SNX10: variants seen among roughly 807,000 people sequenced by gnomAD.
The protein encoded by SNX10 is sorting nexin 10, also known as sorting nexin-10.
In SNX10, 25 loss-of-function variants were observed where a neutral mutation model predicts 28.5. The observed-to-expected ratio is 0.88, with a 90% CI of 0.64 to 1.22. The LOEUF (loss-of-function observed/expected upper bound fraction) is 1.22, where lower values mean the gene tolerates loss of function less well. SNX10 is among the 50% of genes most tolerant of loss of function. SNX10 has a pLI of 0.00. For missense variants in SNX10, 223 were observed against 242.6 expected, an observed-to-expected ratio of 0.92 and a Z score of 0.54; for synonymous variants, 62 against 81.4, an observed-to-expected ratio of 0.76 and a Z score of 1.28.
intron 1 of SNX10, among the ~76,000 whole-genome samples, chr7:26,304,556 G>A (rs748945902): frequency 3.9e-5 from 6 of 152,144 alleles, no homozygotes; most frequent in Non-Finnish European, 5.9e-5. Flanking sequence ...AGGGTCAGGG[G>A]GGATTACACC....
intron 1 of SNX10, among the ~76,000 whole-genome samples, chr7:26,308,263 T>C (rs1030759724): frequency 2.0e-5 from 3 of 152,156 alleles, no homozygotes; most frequent in Non-Finnish European, 4.4e-5. Context: ...TCCCCTGTGT[T>C]TCCATAAAGA....
At chr7:26,333,539 T>G (rs1787819180) in intron 1 of SNX10, among the ~76,000 whole-genome samples, 1 of 151,774 alleles carries the variant, frequency 6.6e-6, no homozygotes, top group South Asian at 2.1e-4. Flanking sequence ...TTAGCTAGGA[T>G]GGTCTTGATC....
intron 2 of SNX10, among the ~76,000 whole-genome samples, chr7:26,354,427 C>T (rs1562814522): frequency 6.6e-6 from 1 of 152,144 alleles, no homozygotes; most frequent in Non-Finnish European, 1.5e-5. Flanking sequence ...CTCACTGCAA[C>T]CTCCCACCCA....
intron 1 of SNX10, among the ~76,000 whole-genome samples, chr7:26,320,012 C>G (rs986556607): frequency 3.3e-5 from 5 of 151,970 alleles, no homozygotes; most frequent in Non-Finnish European, 7.4e-5. Flanking sequence ...GACAGAGTCT[C>G]ACTCTGTTGC....
intron 2 of SNX10, among the ~76,000 whole-genome samples, chr7:26,349,214 A>G (rs142737725): frequency 2.0e-5 from 3 of 152,358 alleles, no homozygotes; most frequent in East Asian, 3.9e-4. Flanking sequence ...CACAGCAAAC[A>G]TTACTAATTA....
At chr7:26,330,681 T>C (rs955661394) in intron 1 of SNX10, among the ~76,000 whole-genome samples, 14 of 151,850 alleles carry the variant, frequency 9.2e-5, no homozygotes, top group Admixed American at 2.0e-4. Context: ...TGGGCAGACA[T>C]TGTGGCTCAT....
chr7:26,347,546 A>G lies in SNX10; in HGVS notation c.24+1080A>G, dbSNP rs551963303. 2.6e-5 allele frequency among the ~76,000 whole-genome samples: 4 copies of G among 152,204 alleles called. No individual in the cohort carries two copies. In the East Asian group the frequency reaches 7.7e-4, roughly 29 times the overall value. On this transcript the variant is annotated intron_variant, in intron 2 of 6. Coordinates refer to ENST00000338523, the MANE Select transcript of SNX10 (RefSeq NM_013322.3). ...CAGAGCAAGACCCTGTCTCAAACGA[A>G]AAACCAAAAACCAAAATAATTGGCT...
intron 1 of SNX10, among the ~76,000 whole-genome samples, chr7:26,321,266 A>G (rs1256490157): frequency 6.6e-6 from 1 of 152,106 alleles, no homozygotes; most frequent in Non-Finnish European, 1.5e-5. Flanking sequence ...TGCCTATTTC[A>G]TCCTTTTGAA....
chr7:26,297,988 T>A (rs912853475), intron 1 of SNX10, among the ~76,000 whole-genome samples: 3 of 152,180 alleles, frequency 2.0e-5, no homozygotes, highest in Admixed American at 6.5e-5. Context: ...CCCAGCACTT[T>A]GGGAGGCCGA....
intron 1 of SNX10, among the ~76,000 whole-genome samples, chr7:26,312,568 A>G (rs1319025256): frequency 6.6e-6 from 1 of 152,072 alleles, no homozygotes; most frequent in African/African-American, 2.4e-5. Context: ...GTCGGATCAC[A>G]AGGTCAGGCG....
At chr7:26,369,058 T>C (rs751161495) in intron 5 of SNX10, among the ~76,000 whole-genome samples, 2 of 152,230 alleles carry the variant, frequency 1.3e-5, no homozygotes, top group Non-Finnish European at 2.9e-5. Flanking sequence ...GATTTTGCTT[T>C]GTTTAGTCTA....
chr7:26,297,496 G>T (rs1009047481), intron 1 of SNX10, among the ~76,000 whole-genome samples: 2 of 152,272 alleles, frequency 1.3e-5, no homozygotes, highest in Admixed American at 1.3e-4. Flanking sequence ...TTTCATGAAA[G>T]ATTATACTTC....
intron 6 of SNX10, 99 bp from the exon 7 acceptor site, chr7:26,372,392 C>A: frequency 1.3e-6 from 1 of 780,628 alleles, no homozygotes; most frequent in Non-Finnish European, 2.2e-6. Context: ...CTCTTTGTGA[C>A]TGGAGATAAT....
intron 6 of SNX10, 101 bp from the exon 7 acceptor site, chr7:26,372,390 G>T: frequency 3.9e-6 from 3 of 775,976 alleles, no homozygotes; most frequent in South Asian, 3.1e-5. Context: ...CTCTCTTTGT[G>T]ACTGGAGATA....
At chr7:26,315,325 G>A (rs1338777592) in intron 1 of SNX10, among the ~76,000 whole-genome samples, 1 of 152,088 alleles carries the variant, frequency 6.6e-6, no homozygotes, top group Admixed American at 6.6e-5. Context: ...AATAAACAGG[G>A]TCACATTAAT....
At chr7:26,348,280 G>A (rs987848638) in intron 2 of SNX10, among the ~76,000 whole-genome samples, 4 of 152,064 alleles carry the variant, frequency 2.6e-5, no homozygotes, top group East Asian at 1.9e-4. Context: ...TGCTTGTTCC[G>A]GGAAATACCC....
chr7:26,295,670 G>A (rs897780371), intron 1 of SNX10, among the ~76,000 whole-genome samples: 1 of 152,116 alleles, frequency 6.6e-6, no homozygotes, highest in African/African-American at 2.4e-5. Flanking sequence ...AATCAATTAC[G>A]AATTGCCAGA....
chr7:26,364,187 G>T lies in SNX10; in HGVS notation c.112-348G>T. 2.8e-6 allele frequency: 1 copy of T among 356,048 alleles called. No homozygotes were observed. Among genetic ancestry groups the T allele is most frequent in the African/African-American group, 2.2e-5 (1 of 45,680 alleles). 22.1% of individuals were successfully genotyped at this position (356,048 alleles called of 1,614,324 possible). A position where few individuals can be genotyped will look rare whatever the true frequency, so the allele number is the denominator to read the frequency against. ...TGGATGGTGGTAAAATGCAACGGAT[G>T]AACCTGAGCTCCTACCTGTCATTTA... On this transcript the variant is annotated intron_variant, in intron 3 of 6. Coordinates refer to ENST00000338523, the MANE Select transcript of SNX10 (RefSeq NM_013322.3). This position sits in a 1 kb window ranked among gnomAD's most constrained non-coding sequence, Gnocchi z 4.9.
At chr7:26,320,043 G>A (rs1312734293) in intron 1 of SNX10, among the ~76,000 whole-genome samples, 2 of 152,024 alleles carry the variant, frequency 1.3e-5, no homozygotes, top group African/African-American at 4.8e-5. Flanking sequence ...GTGCAGTGGT[G>A]CAATCTCGGC....
Sources: allele counts gnomAD v4.1 joint callset (sites outside exome capture counted in the v4.1 genomes callset), GRCh38; gene constraint gnomAD v4.1.1; non-coding constraint Gnocchi (gnomAD v3.1); transcripts MANE v1.5; gene names NCBI Gene and HGNC (gene_info 2026-07-23, HGNC 2026-07-21).